The following LEKR1 variants were observed in gnomAD, a reference collection of about 807,000 sequenced individuals.
The protein encoded by LEKR1 is leucine, glutamate and lysine rich 1, also known as protein LEKR1.
In LEKR1, 59 loss-of-function variants were observed where a neutral mutation model predicts 72.4. That is an observed-to-expected ratio of 0.82 (90% CI 0.66 to 1.01). The LOEUF is 1.01. Among genes scored for constraint, LEKR1 ranks in the 50% least tolerant of loss-of-function variants. The probability of loss-of-function intolerance (pLI) is 0.00; values close to 1 mark genes in which losing one functional copy is unlikely to be tolerated. For missense variants in LEKR1, 728 were observed against 759.2 expected, an observed-to-expected ratio of 0.96 and a Z score of 0.48; for synonymous variants, 257 against 263.2, an observed-to-expected ratio of 0.98 and a Z score of 0.23.
chr3:156,865,837 CT>C (rs1451706297), intron 3 of LEKR1, among the ~76,000 whole-genome samples: 1 of 152,016 alleles, frequency 6.6e-6, no homozygotes, highest in Non-Finnish European at 1.5e-5. Context: ...AGATTATCTA[CT>C]TCTTTTTGCT....
rs577088846 is a variant in LEKR1, at chr3:156,876,087, G to A, written c.263+23105G>A. Among the ~76,000 whole-genome samples, 11 of 151,808 alleles carry A rather than the reference G, an allele frequency of 7.2e-5. No individual in the cohort carries two copies. The East Asian group carries it at 2.1e-3, about 29-fold the overall frequency. On this transcript the variant is annotated intron_variant, in intron 3 of 12. Coordinates refer to ENST00000356539, the MANE Select transcript of LEKR1 (RefSeq NM_001004316.3). ...ATCGTGGCACCATTTGTGGAATAGG[G>A]TGTCCTTTCCCTACTTTGGTTTTGT... is the stretch of plus-strand genomic sequence containing the variant.
chr3:156,903,853 T>C (rs779889306), intron 3 of LEKR1, among the ~76,000 whole-genome samples: 2 of 152,194 alleles, frequency 1.3e-5, no homozygotes, highest in African/African-American at 4.8e-5. Flanking sequence ...AGAGCTCTGA[T>C]TGACTCAGTG....
Position 156,829,679 on chromosome 3 carries a change from A to G in LEKR1, c.48+302A>G, listed in dbSNP as rs528777395. ...TCCATGTGTGTTTTAATGGGGCTGG[A>G]TTTCTAAGCCTCTATTATGGTTTGA... On this transcript the variant is annotated intron_variant, in intron 2 of 12. Transcript: ENST00000356539. Among the ~76,000 whole-genome samples, 109 of 152,314 alleles carry G rather than the reference A, an allele frequency of 7.2e-4. 1 individual carries two copies. Among genetic ancestry groups the G allele is most frequent in the Middle Eastern group, 6.8e-3 (2 of 294 alleles).
At chr3:156,968,249 T>A (rs983375605) in intron 6 of LEKR1, among the ~76,000 whole-genome samples, 1 of 152,172 alleles carries the variant, frequency 6.6e-6, no homozygotes, top group Non-Finnish European at 1.5e-5. Flanking sequence ...AACATCATAA[T>A]GACAGGATCA....
chr3:156,956,610 AAAAATATACAGAATGT>A (rs1727659503), intron 6 of LEKR1, among the ~76,000 whole-genome samples: 2 of 152,084 alleles, frequency 1.3e-5, no homozygotes, highest in Admixed American at 6.6e-5. Flanking sequence ...AGCACACAAT[AAAAATATACAGAATGT>A]ATCCTAATTA....
intron 9 of LEKR1, among the ~76,000 whole-genome samples, chr3:156,997,491 AG>A (rs1361405649): frequency 3.9e-4 from 60 of 152,368 alleles, no homozygotes; most frequent in African/African-American, 1.4e-3. Flanking sequence ...CTGGTTCAGT[AG>A]GTCTGGGTAG....
At chr3:157,034,610 A>G (rs1286797760) in intron 12 of LEKR1, among the ~76,000 whole-genome samples, 1 of 152,208 alleles carries the variant, frequency 6.6e-6, no homozygotes, top group Non-Finnish European at 1.5e-5. Context: ...TGCAAAAAAT[A>G]TTGAAATTAC....
intron 3 of LEKR1, among the ~76,000 whole-genome samples, chr3:156,904,025 G>A (rs1002786068): frequency 2.0e-5 from 3 of 152,170 alleles, no homozygotes; most frequent in Non-Finnish European, 4.4e-5. Context: ...ATATTGGGTG[G>A]CCAAACAGTG....
chr3:156,937,805 C>G (rs1376538693), intron 5 of LEKR1, among the ~76,000 whole-genome samples: 3 of 152,046 alleles, frequency 2.0e-5, no homozygotes, highest in Non-Finnish European at 4.4e-5. Flanking sequence ...TGTCCTATGT[C>G]CATATCATGT....
chr3:156,967,904 C>T (rs566095616), intron 6 of LEKR1, among the ~76,000 whole-genome samples: 1 of 152,258 alleles, frequency 6.6e-6, no homozygotes, highest in African/African-American at 2.4e-5. Flanking sequence ...AAAGGGAAGC[C>T]CATTAGACTA....
At chr3:156,958,062 G>A (rs1421923220) in intron 6 of LEKR1, among the ~76,000 whole-genome samples, 2 of 152,128 alleles carry the variant, frequency 1.3e-5, no homozygotes, top group African/African-American at 2.4e-5. Flanking sequence ...AAATTAATAA[G>A]TCAGAAGTGG....
intron 6 of LEKR1, among the ~76,000 whole-genome samples, chr3:156,943,119 G>T (rs953303458): frequency 6.6e-6 from 1 of 151,904 alleles, no homozygotes; most frequent in African/African-American, 2.4e-5. Flanking sequence ...TTTAAAGTTT[G>T]TCTCCACCTC....
chr3:156,905,934 G>A (rs941873765), intron 3 of LEKR1, among the ~76,000 whole-genome samples: 2 of 152,054 alleles, frequency 1.3e-5, no homozygotes, highest in African/African-American at 4.8e-5. Flanking sequence ...TTGCCTGTCC[G>A]ACCTTAGTAG....
chr3:156,929,849 C>G, intron 5 of LEKR1, among the ~76,000 whole-genome samples: 1 of 152,080 alleles, frequency 6.6e-6, no homozygotes, highest in South Asian at 2.1e-4. Flanking sequence ...CTCACCCTTG[C>G]TTAGGAGTAA....
chr3:157,040,900 A>T (rs1202910886), intron 12 of LEKR1, among the ~76,000 whole-genome samples: 1 of 152,122 alleles, frequency 6.6e-6, no homozygotes, highest in Non-Finnish European at 1.5e-5. Flanking sequence ...CAATCAAGTT[A>T]CACAGTAAAA....
At chr3:156,911,659 C>T (rs1723121298) in intron 3 of LEKR1, among the ~76,000 whole-genome samples, 1 of 151,680 alleles carries the variant, frequency 6.6e-6, no homozygotes, top group East Asian at 1.9e-4. Flanking sequence ...ATCTTTAATC[C>T]ATCTTGAGTT....
intron 10 of LEKR1, among the ~76,000 whole-genome samples, chr3:157,020,645 A>G (rs1733757295): frequency 6.6e-6 from 1 of 151,452 alleles, no homozygotes; most frequent in South Asian, 2.1e-4. Context: ...TCCATGGTGT[A>G]TATGTGCCAC....
chr3:156,911,336 A>G (rs749514618), intron 3 of LEKR1, among the ~76,000 whole-genome samples: 2 of 151,832 alleles, frequency 1.3e-5, no homozygotes, highest in African/African-American at 2.4e-5. Context: ...TCCTTTGTCC[A>G]CTTTCTAATG....
chr3:157,041,262 G>C lies in LEKR1; in HGVS notation c.1669-4078G>C, dbSNP rs552771873. On this transcript the variant is annotated intron_variant, in intron 12 of 12. Transcript: ENST00000356539. ...CCCTGCCTAGACCACCTGACCCAAGGGGCACTTGAGATAAGGACTTCCTCC... is the reference window on the plus strand; with the variant it reads ...CCCTGCCTAGACCACCTGACCCAAGCGGCACTTGAGATAAGGACTTCCTCC... Among the ~76,000 whole-genome samples the C allele has an allele frequency of 4.6e-5, 7 of 152,056 alleles. No homozygotes were observed. The East Asian group carries it at 1.4e-3, about 29-fold the overall frequency.
Sources: gnomAD v4.1 joint callset for allele counts (sites outside exome capture counted in the v4.1 genomes callset) on GRCh38, gnomAD v4.1.1 for gene constraint, MANE v1.5 for transcripts, NCBI Gene and HGNC (gene_info 2026-07-23, HGNC 2026-07-21) for gene names.